The following FAM78B variants were observed in gnomAD, a reference collection of about 807,000 sequenced individuals.
The protein encoded by FAM78B is protein FAM78B.
In FAM78B, 10 loss-of-function variants were observed where a neutral mutation model predicts 20.0. That is an observed-to-expected ratio of 0.50 (90% CI 0.31 to 0.85). The LOEUF (loss-of-function observed/expected upper bound fraction) is 0.85. FAM78B is among the 40% of genes least tolerant of loss of function. The pLI, the probability that FAM78B is intolerant of heterozygous loss-of-function variation, is 0.05. For synonymous variants in FAM78B, 135 were observed against 132.8 expected (o/e 1.02, Z -0.12); for missense variants, 283 against 345.0 (o/e 0.82, Z 1.42).
At chr1:166,092,978 C>T (rs1653137849) in intron 1 of FAM78B, among the ~76,000 whole-genome samples, 1 of 152,120 alleles carries the variant, frequency 6.6e-6, no homozygotes, top group African/African-American at 2.4e-5. Flanking sequence ...TGAAATCAAA[C>T]CTGGGTCTGA....
chr1:166,128,445 C>G (rs571354414), intron 1 of FAM78B, among the ~76,000 whole-genome samples: 1 of 152,318 alleles, frequency 6.6e-6, no homozygotes, highest in Non-Finnish European at 1.5e-5. Context: ...GAATCACATC[C>G]CTCCCTCTCT....
At chr1:166,156,608 G>A (rs1376660) in intron 1 of FAM78B, among the ~76,000 whole-genome samples, 3,791 of 152,288 alleles carry the variant, frequency 0.025, 226 homozygotes, top group Admixed American at 0.13. Context: ...TGATTATTGT[G>A]AGGTTAATTA....
At chr1:166,158,395 C>T (rs1461304773) in intron 1 of FAM78B, among the ~76,000 whole-genome samples, 1 of 152,332 alleles carries the variant, frequency 6.6e-6, no homozygotes, top group South Asian at 2.1e-4. Flanking sequence ...ATGAGCTAGA[C>T]TCCTGGCACG....
intron 1 of FAM78B, among the ~76,000 whole-genome samples, chr1:166,078,804 A>G (rs750753746): frequency 6.6e-6 from 1 of 152,126 alleles, no homozygotes; most frequent in Non-Finnish European, 1.5e-5. Context: ...GTTGGGAGTC[A>G]GGGGGAACCA....
In FAM78B at chr1:166,138,801, T is replaced by C. The variant is rs1374870795; in HGVS notation, c.263+27185A>G. Among the ~76,000 whole-genome samples the C allele has an allele frequency of 2.6e-5, 4 of 152,276 alleles. 1 individual carries two copies. Among genetic ancestry groups the C allele is most frequent in the Admixed American group, 2.6e-4 (4 of 15,290 alleles). On this transcript the variant is annotated intron_variant, in intron 1 of 1. Transcript: ENST00000354422. ...ATAAAGGCAACAAGATTTTTGTCTG[T>C]TGTATTCATTACTGCATCATTATTG...
intron 1 of FAM78B, among the ~76,000 whole-genome samples, chr1:166,115,684 T>C (rs892833278): frequency 3.3e-5 from 5 of 152,088 alleles, no homozygotes; most frequent in Admixed American, 6.5e-5. Flanking sequence ...CAGGACACCG[T>C]TGTAAGTGCT....
chr1:166,129,644 C>T (rs1654798074), intron 1 of FAM78B, among the ~76,000 whole-genome samples: 1 of 151,684 alleles, frequency 6.6e-6, no homozygotes, highest in African/African-American at 2.4e-5. Context: ...TTCTGGGAAA[C>T]CCTTTTCTCT....
intron 1 of FAM78B, 84 bp downstream of exon 1, chr1:166,165,902 G>A: frequency 6.6e-7 from 1 of 1,514,982 alleles, no homozygotes. Flanking sequence ...ACAGCAGTAG[G>A]AAGGAGCTGG....
intron 1 of FAM78B, among the ~76,000 whole-genome samples, chr1:166,147,447 G>A (rs1000472854): frequency 6.6e-6 from 1 of 152,224 alleles, no homozygotes; most frequent in Non-Finnish European, 1.5e-5. Flanking sequence ...AACCCATAAG[G>A]ATGCTTTAGA....
intron 1 of FAM78B, among the ~76,000 whole-genome samples, chr1:166,150,087 T>C (rs919706232): frequency 3.9e-5 from 6 of 152,128 alleles, no homozygotes; most frequent in African/African-American, 1.4e-4. Context: ...ATAGGGACAA[T>C]GAGGATGGCT....
At chr1:166,098,737 G>C (rs1653380934) in intron 1 of FAM78B, among the ~76,000 whole-genome samples, 1 of 152,058 alleles carries the variant, frequency 6.6e-6, no homozygotes, top group South Asian at 2.1e-4. Flanking sequence ...AGAAGTCTGG[G>C]ATTATGTTAA....
At chr1:166,077,767 A>G (rs1652344198) in intron 1 of FAM78B, among the ~76,000 whole-genome samples, 1 of 138,586 alleles carries the variant, frequency 7.2e-6, no homozygotes, top group African/African-American at 2.7e-5. Context: ...ATATTTATAT[A>G]TGAATTATAT....
chr1:166,064,663 G>A (rs928073648), downstream of FAM78B, among the ~76,000 whole-genome samples: 1 of 152,218 alleles, frequency 6.6e-6, no homozygotes, highest in African/African-American at 2.4e-5. Context: ...GGCAGTAAGA[G>A]TGAGTTCTCC....
chr1:166,089,470 G>T (rs1571151358), intron 1 of FAM78B, among the ~76,000 whole-genome samples: 1 of 152,280 alleles, frequency 6.6e-6, no homozygotes. Flanking sequence ...TGATGTGCCT[G>T]AGAGGTACCA....
intron 1 of FAM78B, among the ~76,000 whole-genome samples, chr1:166,094,363 C>T (rs546764329): frequency 6.6e-5 from 10 of 152,278 alleles, no homozygotes; most frequent in East Asian, 1.9e-4. Flanking sequence ...ATCTGTGTCC[C>T]GTGCTCCATG....
chr1:166,114,417 T>A (rs1415073803), intron 1 of FAM78B, among the ~76,000 whole-genome samples: 1 of 152,242 alleles, frequency 6.6e-6, no homozygotes, highest in South Asian at 2.1e-4. Flanking sequence ...TTGGAATAGA[T>A]GTGCCACCTT....
intron 1 of FAM78B, among the ~76,000 whole-genome samples, chr1:166,080,232 A>G (rs1296528835): frequency 1.3e-5 from 2 of 152,190 alleles, no homozygotes; most frequent in Non-Finnish European, 2.9e-5. Flanking sequence ...CACTGCTATG[A>G]CCATGCCAGT....
intron 1 of FAM78B, among the ~76,000 whole-genome samples, chr1:166,072,759 C>T (rs1262295002): frequency 6.6e-6 from 1 of 152,206 alleles, no homozygotes; most frequent in African/African-American, 2.4e-5. Flanking sequence ...GCAGGTATTC[C>T]GAGCAGTGGC....
At position 166,070,629 on chromosome 1, in the gene FAM78B, C is replaced by A; in HGVS notation, c.398G>T (p.Arg133Met). The A allele has an allele frequency of 6.2e-7, 1 of 1,613,762 alleles. No individual in the cohort carries two copies. Among genetic ancestry groups the A allele is most frequent in the South Asian group, 1.1e-5 (1 of 91,076 alleles). ...GTTGTCATTCATGCTGACGGAGAAC[C>A]TGGAGATCTTGTTGGTGGGGCCAAC... is the stretch of plus-strand genomic sequence containing the variant. ...TLVGPTNKIS[R>M]FSVSMNDNFY... The change falls in exon 2 of 2, where the codon AGG (arginine) becomes ATG (methionine). Residue 133 changes from arginine (R) to methionine (M), a missense_variant. Transcript: ENST00000354422.
Sources: gnomAD v4.1 joint callset for allele counts (sites outside exome capture counted in the v4.1 genomes callset) on GRCh38, gnomAD v4.1.1 for gene constraint, MANE v1.5 for transcripts, NCBI Gene and HGNC (gene_info 2026-07-23, HGNC 2026-07-21) for gene names.